Variants in PIP4K2A observed in about 807,000 individuals in gnomAD.
PIP4K2A encodes phosphatidylinositol-5-phosphate 4-kinase type 2 alpha.
PIP4K2A carries 14 observed loss-of-function variants against 42.9 expected under a neutral mutation model. The ratio of observed to expected loss-of-function variants is 0.33; its 90% CI spans 0.22 to 0.51. The LOEUF is 0.51. PIP4K2A is among the 20% of genes least tolerant of loss of function. The probability of loss-of-function intolerance (pLI) is 0.97; values close to 1 mark genes in which losing one functional copy is unlikely to be tolerated. For missense variants in PIP4K2A, 434 were observed against 519.8 expected, an observed-to-expected ratio of 0.83 and a Z score of 1.61; for synonymous variants, 192 against 192.2, an observed-to-expected ratio of 1.00 and a Z score of 0.01.
At chr10:22,675,146 T>A (rs926419204) in intron 1 of PIP4K2A, among the ~76,000 whole-genome samples, 1 of 152,222 alleles carries the variant, frequency 6.6e-6, no homozygotes, top group African/African-American at 2.4e-5. Context: ...ATATCATTCA[T>A]TCAATGTTGA....
Position 22,660,342 on chromosome 10 carries a change from G to A in PIP4K2A, c.145-50625C>T, listed in dbSNP as rs1171501. On this transcript the variant is annotated intron_variant, in intron 1 of 9. Coordinates refer to ENST00000376573, the MANE Select transcript of PIP4K2A (RefSeq NM_005028.5). ...AAAAATTAGCCGGGTGTGGAAGCGC[G>A]TGCCTGTAATCCCAGCTACTTGGGA... Among the ~76,000 whole-genome samples the A allele has an allele frequency of 6.9e-3, 1,043 of 152,160 alleles. 6 individuals are homozygous for A. The highest frequency in any genetic ancestry group is 0.011 in the Admixed American group (173 of 15,280).
At chr10:22,623,861 G>A (rs1218050786) in intron 1 of PIP4K2A, among the ~76,000 whole-genome samples, 1 of 152,168 alleles carries the variant, frequency 6.6e-6, no homozygotes, top group Non-Finnish European at 1.5e-5. Context: ...TGAGCTCCCA[G>A]GGTTCTCGCT....
intron 1 of PIP4K2A, 65 bp downstream of exon 1, chr10:22,714,118 A>C: frequency 6.8e-7 from 1 of 1,473,658 alleles, no homozygotes; most frequent in South Asian, 1.3e-5. Context: ...CAGCCGGAGG[A>C]GGAGGGGAAC....
chr10:22,608,134 C>T, intron 2 of PIP4K2A, 111 bp from the exon 3 acceptor site: 1 of 651,482 alleles, frequency 1.5e-6, no homozygotes, highest in Non-Finnish European at 2.7e-6. Context: ...CACTGCCTAC[C>T]AAAAGCACAG....
chr10:22,688,562 C>T (rs1839803475), intron 1 of PIP4K2A, among the ~76,000 whole-genome samples: 1 of 152,286 alleles, frequency 6.6e-6, no homozygotes, highest in East Asian at 1.9e-4. Flanking sequence ...AAGTCATCCT[C>T]CCACCTCAGC....
intron 1 of PIP4K2A, among the ~76,000 whole-genome samples, chr10:22,613,887 T>C (rs1460926204): frequency 1.3e-5 from 2 of 152,136 alleles, no homozygotes; most frequent in African/African-American, 4.8e-5. Context: ...GACCATCACT[T>C]GGAAATGGAA....
intron 1 of PIP4K2A, among the ~76,000 whole-genome samples, chr10:22,612,023 A>C (rs955881353): frequency 6.6e-6 from 1 of 152,242 alleles, no homozygotes; most frequent in Admixed American, 6.5e-5. Flanking sequence ...AGGAAACCAG[A>C]AACTTTCTGC....
At chr10:22,712,139 A>G (rs2130933808) in intron 1 of PIP4K2A, among the ~76,000 whole-genome samples, 1 of 152,360 alleles carries the variant, frequency 6.6e-6, no homozygotes, top group South Asian at 2.1e-4. Context: ...TTCTCTTGAG[A>G]GCAAAAGAAA....
At chr10:22,577,788 T>G (rs528415162) in intron 4 of PIP4K2A, among the ~76,000 whole-genome samples, 16 of 152,148 alleles carry the variant, frequency 1.1e-4, no homozygotes, top group Non-Finnish European at 2.2e-4. Context: ...TAGCAGCTTC[T>G]CAACAGTGCT....
intron 3 of PIP4K2A, among the ~76,000 whole-genome samples, chr10:22,603,964 C>A (rs1445268592): frequency 6.6e-6 from 1 of 151,968 alleles, no homozygotes; most frequent in African/African-American, 2.4e-5. Flanking sequence ...AGTTCTGAAT[C>A]TAGAAGCACT....
chr10:22,620,866 A>T (rs2130742287), intron 1 of PIP4K2A, among the ~76,000 whole-genome samples: 1 of 152,334 alleles, frequency 6.6e-6, no homozygotes, highest in East Asian at 1.9e-4. Context: ...CCAGAGATCC[A>T]CTTAATTCCT....
At chr10:22,685,286 C>CA (rs1269260596) in intron 1 of PIP4K2A, among the ~76,000 whole-genome samples, 1 of 152,104 alleles carries the variant, frequency 6.6e-6, no homozygotes, top group Non-Finnish European at 1.5e-5. Flanking sequence ...CATTTAGCAT[C>CA]AAGTCATACT....
intron 7 of PIP4K2A, among the ~76,000 whole-genome samples, chr10:22,543,498 C>G (rs546090547): frequency 6.6e-6 from 1 of 152,214 alleles, no homozygotes. Flanking sequence ...GGGGCTCCTG[C>G]GTTCAGCTTT....
intron 4 of PIP4K2A, among the ~76,000 whole-genome samples, chr10:22,573,727 C>T (rs921217738): frequency 2.0e-5 from 3 of 152,150 alleles, no homozygotes; most frequent in South Asian, 2.1e-4. Context: ...TGGATATGAT[C>T]GTGTAAGGCA....
In PIP4K2A at chr10:22,652,801, C is replaced by T. The variant is rs1432953795; in HGVS notation, c.145-43084G>A. On this transcript the variant is annotated intron_variant, in intron 1 of 9. Transcript: ENST00000376573. ...TGTTCTGGTTCAATGCTGCTTGAAA[C>T]GTTTATGAAGGGTCCATCGCAGTGG... Among the ~76,000 whole-genome samples the T allele has an allele frequency of 3.3e-5, 5 of 152,294 alleles. No individual in the cohort carries two copies. The East Asian group carries it at 7.7e-4, about 23-fold the overall frequency.
At chr10:22,569,888 C>G (rs1043623288) in intron 5 of PIP4K2A, among the ~76,000 whole-genome samples, 2 of 152,064 alleles carry the variant, frequency 1.3e-5, no homozygotes, top group Non-Finnish European at 2.9e-5. Context: ...GCCAGATGTA[C>G]AGGTTCCATC....
At chr10:22,613,983 A>G (rs1418337199) in intron 1 of PIP4K2A, among the ~76,000 whole-genome samples, 1 of 152,222 alleles carries the variant, frequency 6.6e-6, no homozygotes, top group Non-Finnish European at 1.5e-5. Context: ...TAAAATACCA[A>G]GCAGCACAGA....
intron 1 of PIP4K2A, among the ~76,000 whole-genome samples, chr10:22,658,482 A>C (rs1839143910): frequency 1.3e-5 from 2 of 152,248 alleles, no homozygotes; most frequent in African/African-American, 4.8e-5. Context: ...TGATACAAAT[A>C]AATTAAAAAG....
At chr10:22,671,745 T>TACACACACACAC (rs143696456) in intron 1 of PIP4K2A, among the ~76,000 whole-genome samples, 358 of 144,666 alleles carry the variant, frequency 2.5e-3, no homozygotes, top group African/African-American at 8.2e-3. Context: ...ACTTGGAAAA[T>TACACACACACAC]ACACACACAC....
Sources: gnomAD v4.1 joint callset for allele counts (sites outside exome capture counted in the v4.1 genomes callset) on GRCh38, gnomAD v4.1.1 for gene constraint, MANE v1.5 for transcripts, NCBI Gene and HGNC (gene_info 2026-07-23, HGNC 2026-07-21) for gene names.